Variants in TENM2 observed in about 807,000 individuals in gnomAD.
TENM2 encodes teneurin transmembrane protein 2, also known as teneurin-2.
TENM2 carries 52 observed loss-of-function variants against 245.2 expected under a neutral mutation model. The observed-to-expected ratio is 0.21, with a 90% CI of 0.17 to 0.27. TENM2 has a LOEUF of 0.27. TENM2 is among the 10% of genes least tolerant of loss of function. The pLI, the probability that TENM2 is intolerant of heterozygous loss-of-function variation, is 1.00. For synonymous variants in TENM2, 1,363 were observed against 1,438.9 expected (o/e 0.95, Z 1.19); for missense variants, 3,046 against 3,666.8 (o/e 0.83, Z 4.37).
chr5:168,194,841 C>T (rs528353584), intron 14 of TENM2, among the ~76,000 whole-genome samples: 1 of 152,268 alleles, frequency 6.6e-6, no homozygotes, highest in Non-Finnish European at 1.5e-5. Context: ...CCGAGTATGG[C>T]ACTCTCGGTG....
intron 3 of TENM2, among the ~76,000 whole-genome samples, chr5:167,951,893 C>A (rs1780138601): frequency 6.6e-6 from 1 of 152,076 alleles, no homozygotes; most frequent in Admixed American, 6.6e-5. Context: ...TACACACATA[C>A]ATATATATAA....
the TENM2 span, among the ~76,000 whole-genome samples, chr5:167,170,331 T>C: frequency 5.1e-3 from 778 of 152,320 alleles, 5 homozygotes; most frequent in Non-Finnish European, 6.4e-3. Context: ...GAATCTCAGA[T>C]ACAGCAAAGC....
chr5:167,689,917 T>A (rs1033233682), intron 2 of TENM2, among the ~76,000 whole-genome samples: 13 of 152,082 alleles, frequency 8.5e-5, no homozygotes, highest in Non-Finnish European at 1.9e-4. Context: ...TGAGCCACCA[T>A]GCCCAGGCTC....
chr5:167,424,603 A>G (rs1763700361), intron 2 of TENM2, among the ~76,000 whole-genome samples: 1 of 152,192 alleles, frequency 6.6e-6, no homozygotes, highest in Non-Finnish European at 1.5e-5. Context: ...ACAATTCCTG[A>G]AGAATGCTTA....
intron 2 of TENM2, among the ~76,000 whole-genome samples, chr5:167,546,358 C>A (rs749336215): frequency 6.6e-6 from 1 of 152,176 alleles, no homozygotes; most frequent in Non-Finnish European, 1.5e-5. Context: ...TCATTGTCTA[C>A]TGGAATTGTC....
the TENM2 span, among the ~76,000 whole-genome samples, chr5:167,261,792 C>A: frequency 6.6e-6 from 1 of 152,200 alleles, no homozygotes; most frequent in Non-Finnish European, 1.5e-5. Context: ...TGAATATATC[C>A]TTACTTTTTA....
intron 27 of TENM2, among the ~76,000 whole-genome samples, chr5:168,257,880 T>C (rs948137964): frequency 3.9e-5 from 6 of 152,098 alleles, no homozygotes; most frequent in African/African-American, 1.4e-4. Context: ...TCCCAAAGTG[T>C]TGGAATTACA....
intron 3 of TENM2, among the ~76,000 whole-genome samples, chr5:167,931,624 G>C (rs1415935472): frequency 6.6e-6 from 1 of 151,830 alleles, no homozygotes; most frequent in African/African-American, 2.4e-5. Flanking sequence ...TCCCCGGGTG[G>C]AGAATGAGCT....
the TENM2 span, among the ~76,000 whole-genome samples, chr5:167,042,327 C>T: frequency 2.6e-5 from 4 of 152,056 alleles, no homozygotes; most frequent in Admixed American, 2.6e-4. Flanking sequence ...CATTTGCAAC[C>T]AAAAGGAGAG....
At chr5:167,747,822 G>C (rs1043661966) in intron 2 of TENM2, among the ~76,000 whole-genome samples, 1 of 152,118 alleles carries the variant, frequency 6.6e-6, no homozygotes, top group Non-Finnish European at 1.5e-5. Context: ...ATAAATAAGT[G>C]TATCTTCCTA....
intron 2 of TENM2, among the ~76,000 whole-genome samples, chr5:167,471,218 T>C (rs1767008108): frequency 6.6e-6 from 1 of 152,180 alleles, no homozygotes; most frequent in Non-Finnish European, 1.5e-5. Context: ...TCTTCCTTGC[T>C]CTGTTGTACA....
At chr5:167,389,624 A>G (rs1158974310) in intron 2 of TENM2, among the ~76,000 whole-genome samples, 1 of 152,148 alleles carries the variant, frequency 6.6e-6, no homozygotes, top group Non-Finnish European at 1.5e-5. Context: ...TAAAATCCTT[A>G]TAGCTACATT....
chr5:167,309,315 C>T (rs1014381091), intron 1 of TENM2, among the ~76,000 whole-genome samples: 1 of 152,152 alleles, frequency 6.6e-6, no homozygotes, highest in African/African-American at 2.4e-5. Flanking sequence ...TACTATGATG[C>T]AAAAGCGATA....
At chr5:167,490,588 G>A (rs1051255173) in intron 2 of TENM2, among the ~76,000 whole-genome samples, 4 of 151,984 alleles carry the variant, frequency 2.6e-5, no homozygotes, top group Middle Eastern at 3.2e-3. Flanking sequence ...CTGGAAGGAA[G>A]CAATAATTTA....
chr5:167,411,572 G>C (rs1762907346), intron 2 of TENM2, among the ~76,000 whole-genome samples: 1 of 129,118 alleles, frequency 7.7e-6, no homozygotes, highest in African/African-American at 3.2e-5. Context: ...ATGTAGGTGA[G>C]AGTGTGTGTG....
intron 2 of TENM2, among the ~76,000 whole-genome samples, chr5:167,379,402 A>G (rs1760958986): frequency 6.6e-6 from 1 of 152,120 alleles, no homozygotes; most frequent in Non-Finnish European, 1.5e-5. Flanking sequence ...AGCACCGGGG[A>G]CAATGTCCTT....
chr5:167,392,620 AG>A (rs1476992764), intron 2 of TENM2, among the ~76,000 whole-genome samples: 1 of 152,176 alleles, frequency 6.6e-6, no homozygotes, highest in Non-Finnish European at 1.5e-5. Context: ...TGCAGGCAGC[AG>A]ATGGGATTTC....
chr5:167,000,225 G>C, the TENM2 span, among the ~76,000 whole-genome samples: 1 of 152,130 alleles, frequency 6.6e-6, no homozygotes, highest in East Asian at 1.9e-4. Flanking sequence ...TCCCTATCTA[G>C]AGAAAAATTG....
chr5:167,373,905 A>G (rs931261335), intron 1 of TENM2, among the ~76,000 whole-genome samples: 1 of 152,238 alleles, frequency 6.6e-6, no homozygotes, highest in Non-Finnish European at 1.5e-5. Context: ...CGTTTATAGA[A>G]CATGACAACG....
Sources: allele counts gnomAD v4.1 joint callset (sites outside exome capture counted in the v4.1 genomes callset), GRCh38; gene constraint gnomAD v4.1.1; transcripts MANE v1.5; gene names NCBI Gene and HGNC (gene_info 2026-07-23, HGNC 2026-07-21).